The following DOK6 variants were observed in gnomAD, a reference collection of about 807,000 sequenced individuals.
DOK6 encodes the protein downstream of tyrosine kinase 6.
In DOK6, 22 loss-of-function variants were observed where a neutral mutation model predicts 44.0. The ratio of observed to expected loss-of-function variants is 0.50; its 90% confidence interval spans 0.36 to 0.71. DOK6 has a LOEUF of 0.71. DOK6 is among the 30% of genes least tolerant of loss of function. The pLI, the probability that DOK6 is intolerant of heterozygous loss-of-function variation, is 0.00. For synonymous variants in DOK6, 166 were observed against 145.5 expected (o/e 1.14, Z -1.01); for missense variants, 340 against 416.4 (o/e 0.82, Z 1.60).
intron 7 of DOK6, among the ~76,000 whole-genome samples, chr18:69,802,126 G>A (rs183043040): frequency 1.6e-4 from 25 of 152,176 alleles, no homozygotes; most frequent in African/African-American, 5.1e-4. Flanking sequence ...GGCACATAAT[G>A]TTTTATATGA....
At chr18:69,599,655 C>T (rs986800143) in intron 3 of DOK6, among the ~76,000 whole-genome samples, 157 bp downstream of exon 3, 4 of 152,198 alleles carry the variant, frequency 2.6e-5, no homozygotes, top group African/African-American at 9.6e-5. Context: ...TTGATTTCTA[C>T]AGATGTTTTT....
chr18:69,632,607 A>G (rs1431855947), intron 3 of DOK6, among the ~76,000 whole-genome samples: 1 of 152,220 alleles, frequency 6.6e-6, no homozygotes, highest in Non-Finnish European at 1.5e-5. Flanking sequence ...AGATGATTGT[A>G]GCAGAAGGTA....
At chr18:69,776,637 G>A (rs1345935890) in intron 7 of DOK6, among the ~76,000 whole-genome samples, 1 of 151,900 alleles carries the variant, frequency 6.6e-6, no homozygotes, top group Non-Finnish European at 1.5e-5. Flanking sequence ...ACTAATCTCA[G>A]AAACATCAAT....
chr18:69,739,167 C>T, intron 6 of DOK6, 64 bp downstream of exon 6: 1 of 1,597,064 alleles, frequency 6.3e-7, no homozygotes, highest in Non-Finnish European at 8.5e-7. Flanking sequence ...CTGATGTACA[C>T]TGTGTATGTG....
chr18:69,678,827 A>G (rs1051206412), intron 4 of DOK6, among the ~76,000 whole-genome samples: 1 of 151,938 alleles, frequency 6.6e-6, no homozygotes, highest in African/African-American at 2.4e-5. Flanking sequence ...CTAAGTTTTG[A>G]TGATCGGTGT....
intron 2 of DOK6, among the ~76,000 whole-genome samples, chr18:69,567,256 C>G (rs1025542192): frequency 6.6e-6 from 1 of 152,156 alleles, no homozygotes; most frequent in South Asian, 2.1e-4. Flanking sequence ...TCTAGTCTAT[C>G]ACTGATCTTC....
chr18:69,553,764 T>A (rs1323168867), intron 1 of DOK6, among the ~76,000 whole-genome samples: 1 of 152,194 alleles, frequency 6.6e-6, no homozygotes, highest in Non-Finnish European at 1.5e-5. Flanking sequence ...GTCATTTACT[T>A]ATTTCTTTTA....
In DOK6 at chr18:69,401,220, G is replaced by A. The variant is rs1916089757; in HGVS notation, c.-25G>A. On this transcript the variant is annotated 5_prime_UTR_variant, in exon 1 of 8. Coordinates refer to ENST00000382713, the MANE Select transcript of DOK6 (RefSeq NM_152721.6). Reference sequence around the variant, plus strand: ...TCGACTCCGGAGAGCGGATCGCGGGGCGCAGGAGCCCGATCGCGCTGGCCA... The same window carrying A: ...TCGACTCCGGAGAGCGGATCGCGGGACGCAGGAGCCCGATCGCGCTGGCCA... 1.3e-6 allele frequency: 2 copies of A among 1,547,108 alleles called. No individual in the cohort carries two copies. The highest frequency in any genetic ancestry group is 1.7e-6 in the Non-Finnish European group (2 of 1,148,536).
chr18:69,802,251 T>C (rs1266778698), intron 7 of DOK6, among the ~76,000 whole-genome samples: 4 of 152,156 alleles, frequency 2.6e-5, no homozygotes, highest in Non-Finnish European at 5.9e-5. Flanking sequence ...TAAATATACA[T>C]AGTGTCTGAT....
chr18:69,546,900 G>T (rs565886200), intron 1 of DOK6, among the ~76,000 whole-genome samples: 1 of 151,616 alleles, frequency 6.6e-6, no homozygotes, highest in East Asian at 1.9e-4. Flanking sequence ...ATCCGAGACT[G>T]GGTAATTCAT....
intron 3 of DOK6, among the ~76,000 whole-genome samples, chr18:69,655,982 A>C (rs1985358482): frequency 6.6e-6 from 1 of 152,200 alleles, no homozygotes; most frequent in South Asian, 2.1e-4. Context: ...TAATTGCTGA[A>C]AAAAAATTCC....
chr18:69,681,010 G>A (rs991125350), intron 4 of DOK6, among the ~76,000 whole-genome samples: 4 of 152,194 alleles, frequency 2.6e-5, no homozygotes, highest in Non-Finnish European at 5.9e-5. Flanking sequence ...CATGGTTGAA[G>A]TCACTAATAT....
chr18:69,591,251 C>T (rs564384131), intron 2 of DOK6, among the ~76,000 whole-genome samples: 2 of 152,150 alleles, frequency 1.3e-5, no homozygotes, highest in South Asian at 4.1e-4. Context: ...ATAAATAGAA[C>T]TCATAGGTCA....
chr18:69,710,569 T>C lies in DOK6; in HGVS notation c.599+11976T>C, dbSNP rs79467571. Among the ~76,000 whole-genome samples the C allele has an allele frequency of 2.2e-3, 330 of 152,322 alleles. 2 individuals carry two copies. The highest frequency in any genetic ancestry group is 7.7e-3 in the African/African-American group (320 of 41,574). ...TAGAGGTTCCAACAGCAATTACTAATAGATGGGAAAACATATTATCTTTTG... is the reference window on the plus strand; with the variant it reads ...TAGAGGTTCCAACAGCAATTACTAACAGATGGGAAAACATATTATCTTTTG... On this transcript the variant is annotated intron_variant, in intron 5 of 7. Transcript: ENST00000382713.
Position 69,413,761 on chromosome 18 carries a change from T to G in DOK6, c.66+12451T>G, listed in dbSNP as rs181545572. Among the ~76,000 whole-genome samples the G allele has an allele frequency of 2.1e-4, 32 of 152,030 alleles. No homozygotes were observed. In the East Asian group the frequency reaches 5.6e-3, roughly 27 times the overall value. On this transcript the variant is annotated intron_variant, in intron 1 of 7. Transcript: ENST00000382713. The stretch of plus-strand genomic sequence containing the variant: ...ATTGACAATTTCATCTTATTGAAAT[T>G]AAAAACTTTTGCTCTGTGAAAGACC...
chr18:69,501,238 T>C (rs1309623986), intron 1 of DOK6, among the ~76,000 whole-genome samples: 2 of 152,144 alleles, frequency 1.3e-5, no homozygotes, highest in Non-Finnish European at 2.9e-5. Flanking sequence ...TATCAGATGA[T>C]CTCAAACAAT....
chr18:69,802,949 G>A (rs11873984), intron 7 of DOK6, among the ~76,000 whole-genome samples: 29,043 of 151,940 alleles, frequency 0.19, 2,964 homozygotes, highest in East Asian at 0.28. Context: ...AAAGAAAGTA[G>A]GAATTGATAT....
chr18:69,548,820 G>A (rs906442611), intron 1 of DOK6, among the ~76,000 whole-genome samples: 3 of 151,472 alleles, frequency 2.0e-5, no homozygotes, highest in Non-Finnish European at 3.0e-5. Flanking sequence ...TTGGCCGGGC[G>A]CGGTGGCTCA....
intron 2 of DOK6, among the ~76,000 whole-genome samples, chr18:69,569,850 T>C (rs1455288987): frequency 6.6e-6 from 1 of 152,104 alleles, no homozygotes; most frequent in Non-Finnish European, 1.5e-5. Flanking sequence ...ATGGTACATA[T>C]GGATACTATG....
Sources: allele counts gnomAD v4.1 joint callset (sites outside exome capture counted in the v4.1 genomes callset), GRCh38; gene constraint gnomAD v4.1.1; transcripts MANE v1.5; gene names NCBI Gene and HGNC (gene_info 2026-07-23, HGNC 2026-07-21).